Variants in TMEFF2 observed in about 807,000 individuals in gnomAD.
TMEFF2 encodes the protein transmembrane protein with EGF like and two follistatin like domains 2.
A neutral mutation model predicts 53.8 loss-of-function variants in TMEFF2; 28 were observed. The ratio of observed to expected loss-of-function variants is 0.52; its 90% confidence interval spans 0.39 to 0.71. The LOEUF is 0.71. Ranked by LOEUF, TMEFF2 falls within the 30% of genes least tolerant of loss-of-function variation. The pLI is 0.00. For missense variants in TMEFF2, 353 were observed against 455.2 expected, an observed-to-expected ratio of 0.78 and a Z score of 2.04; for synonymous variants, 162 against 166.3, an observed-to-expected ratio of 0.97 and a Z score of 0.20.
intron 4 of TMEFF2, among the ~76,000 whole-genome samples, chr2:192,160,589 A>T (rs1690609018): frequency 6.6e-6 from 1 of 152,192 alleles, no homozygotes; most frequent in South Asian, 2.1e-4. Flanking sequence ...TGAGCCAAAG[A>T]TTTGAATATT....
At chr2:192,024,808 A>T (rs941423511) in intron 5 of TMEFF2, among the ~76,000 whole-genome samples, 1 of 152,246 alleles carries the variant, frequency 6.6e-6, no homozygotes, top group Non-Finnish European at 1.5e-5. Context: ...GACTGTTGAA[A>T]TGCTGTAGCA....
chr2:192,119,874 T>C (rs1337532676), intron 4 of TMEFF2, among the ~76,000 whole-genome samples: 1 of 152,212 alleles, frequency 6.6e-6, no homozygotes, highest in Non-Finnish European at 1.5e-5. Context: ...TCAACTTTGC[T>C]GCAACAGCTA....
intron 3 of TMEFF2, among the ~76,000 whole-genome samples, chr2:192,181,843 G>A (rs531129985): frequency 6.6e-6 from 1 of 151,786 alleles, no homozygotes; most frequent in Admixed American, 6.6e-5. Flanking sequence ...AAAAAAAGAA[G>A]GAATAGTTTA....
At chr2:192,184,541 A>G in intron 2 of TMEFF2, 58 bp from the exon 3 acceptor site, 1 of 1,591,618 alleles carries the variant, frequency 6.3e-7, no homozygotes, top group Admixed American at 1.7e-5. Context: ...TCCCTCTGAC[A>G]CGATGAACAG....
chr2:191,982,308 C>G (rs1559071213), intron 7 of TMEFF2, among the ~76,000 whole-genome samples: 1 of 151,866 alleles, frequency 6.6e-6, no homozygotes, highest in East Asian at 1.9e-4. Context: ...GATAAGAAAA[C>G]AAAGACTCAC....
intron 4 of TMEFF2, among the ~76,000 whole-genome samples, chr2:192,059,617 C>G (rs2105905278): frequency 1.3e-5 from 2 of 152,288 alleles, no homozygotes; most frequent in African/African-American, 4.8e-5. Flanking sequence ...CACTTAGAGA[C>G]AGCCCCATTT....
At chr2:191,992,787 A>G (rs890180664) in intron 7 of TMEFF2, 12 of 152,142 alleles carry the variant, frequency 7.9e-5, no homozygotes, top group African/African-American at 2.9e-4. Flanking sequence ...AGCAAACATT[A>G]TATCACTTAT....
intron 4 of TMEFF2, among the ~76,000 whole-genome samples, chr2:192,086,156 G>T (rs936766363): frequency 6.6e-6 from 1 of 152,080 alleles, no homozygotes; most frequent in Admixed American, 6.6e-5. Flanking sequence ...TTGGCTAGAG[G>T]ACTCATTGAT....
chr2:192,177,469 T>C (rs1691073941), intron 4 of TMEFF2: 1 of 151,138 alleles, frequency 6.6e-6, no homozygotes, highest in South Asian at 2.1e-4. Context: ...AAACAAGCAG[T>C]TCTGTTGAGA....
intron 5 of TMEFF2, among the ~76,000 whole-genome samples, chr2:192,009,643 A>G (rs537835132): frequency 9.2e-5 from 14 of 152,100 alleles, no homozygotes; most frequent in Admixed American, 3.3e-4. Flanking sequence ...ATATTATACC[A>G]TGCTATAATA....
At chr2:192,168,867 G>A (rs994902827) in intron 4 of TMEFF2, among the ~76,000 whole-genome samples, 1 of 150,978 alleles carries the variant, frequency 6.6e-6, no homozygotes, top group African/African-American at 2.4e-5. Flanking sequence ...TTTGGAGATG[G>A]GGTCTTGTTA....
intron 5 of TMEFF2, among the ~76,000 whole-genome samples, chr2:192,019,192 AT>A (rs1467587889): frequency 6.6e-6 from 1 of 152,122 alleles, no homozygotes. Flanking sequence ...CATCTATTTG[AT>A]TTCAGTAAAA....
chr2:192,078,685 A>G (rs1688487250), intron 4 of TMEFF2, among the ~76,000 whole-genome samples: 1 of 152,192 alleles, frequency 6.6e-6, no homozygotes, highest in South Asian at 2.1e-4. Context: ...ATGAAAAACT[A>G]TATTCTATGT....
chr2:192,017,172 G>A (rs1574293704), intron 5 of TMEFF2, among the ~76,000 whole-genome samples: 1 of 152,190 alleles, frequency 6.6e-6, no homozygotes, highest in East Asian at 1.9e-4. Context: ...GGTAGAGCTG[G>A]AGGTTCCCAT....
intron 4 of TMEFF2, among the ~76,000 whole-genome samples, chr2:192,102,626 C>CTTTTTTTT (rs10635775): frequency 2.1e-3 from 232 of 109,736 alleles, no homozygotes; most frequent in African/African-American, 2.5e-3. Context: ...TTTTCTTGTT[C>CTTTTTTTT]TTTTTTTTTT....
intron 4 of TMEFF2, among the ~76,000 whole-genome samples, chr2:192,082,774 A>C (rs1688581909): frequency 7.1e-6 from 1 of 141,356 alleles, no homozygotes; most frequent in Non-Finnish European, 1.5e-5. Context: ...CCAAACTGTT[A>C]TTCCTAAAAA....
intron 4 of TMEFF2, among the ~76,000 whole-genome samples, chr2:192,092,336 T>C (rs1017896486): frequency 2.4e-4 from 37 of 152,156 alleles, no homozygotes; most frequent in African/African-American, 7.5e-4. Flanking sequence ...TCCTTTATAT[T>C]ACCATATGAG....
intron 4 of TMEFF2, among the ~76,000 whole-genome samples, chr2:192,080,297 C>T (rs956913843): frequency 9.2e-5 from 14 of 152,090 alleles, no homozygotes; most frequent in Non-Finnish European, 1.6e-4. Context: ...ATCATAGGGG[C>T]GGTTTCCCCC....
chr2:192,028,146 G>A (rs1375647141), intron 5 of TMEFF2, among the ~76,000 whole-genome samples: 1 of 151,368 alleles, frequency 6.6e-6, no homozygotes. Flanking sequence ...AAGTTTCCCT[G>A]CACAAGCTCT....
Sources: allele counts gnomAD v4.1 joint callset (sites outside exome capture counted in the v4.1 genomes callset), GRCh38; gene constraint gnomAD v4.1.1; transcripts MANE v1.5; gene names NCBI Gene and HGNC (gene_info 2026-07-23, HGNC 2026-07-21).